Variants in OPCML observed in about 807,000 individuals in gnomAD.
OPCML encodes the protein opioid binding protein/cell adhesion molecule like.
In OPCML, 13 loss-of-function variants were observed where a neutral mutation model predicts 37.8. The observed-to-expected ratio is 0.34, with a 90% CI of 0.22 to 0.55. The LOEUF (loss-of-function observed/expected upper bound fraction) is 0.55. OPCML is among the 20% of genes least tolerant of loss of function. OPCML has a pLI of 0.91. For synonymous variants in OPCML, 176 were observed against 168.8 expected (o/e 1.04, Z -0.33); for missense variants, 341 against 435.6 (o/e 0.78, Z 1.93).
chr11:132,950,083 G>A (rs577953071), intron 1 of OPCML, among the ~76,000 whole-genome samples: 10 of 152,338 alleles, frequency 6.6e-5, no homozygotes, highest in South Asian at 2.1e-4. Context: ...AGGTGCAGCC[G>A]CGCTGGGCCT....
intron 1 of OPCML, among the ~76,000 whole-genome samples, chr11:133,428,314 C>A (rs1020892315): frequency 1.3e-5 from 2 of 152,098 alleles, no homozygotes; most frequent in Non-Finnish European, 2.9e-5. Flanking sequence ...GCAGCGTGAA[C>A]AAGGAGAGGA....
intron 1 of OPCML, among the ~76,000 whole-genome samples, chr11:133,313,121 T>G (rs999998744): frequency 2.0e-5 from 3 of 152,230 alleles, no homozygotes; most frequent in African/African-American, 7.2e-5. Context: ...ACTTCTTTAT[T>G]TATATGCGGT....
intron 2 of OPCML, among the ~76,000 whole-genome samples, chr11:132,933,106 A>G (rs1402416833): frequency 5.3e-5 from 8 of 152,194 alleles, no homozygotes; most frequent in Admixed American, 6.5e-5. Flanking sequence ...CTGCACAGGT[A>G]CAGCGGGAGG....
At chr11:133,270,190 G>A (rs1158623056) in intron 1 of OPCML, among the ~76,000 whole-genome samples, 2 of 152,172 alleles carry the variant, frequency 1.3e-5, no homozygotes, top group Non-Finnish European at 2.9e-5. Context: ...TTGATTGATT[G>A]ATTAATAGAA....
intron 2 of OPCML, among the ~76,000 whole-genome samples, chr11:132,870,318 T>G (rs1194933352): frequency 6.6e-6 from 1 of 152,192 alleles, no homozygotes; most frequent in Non-Finnish European, 1.5e-5. Flanking sequence ...CTAAATTATT[T>G]ACTCACATGT....
At chr11:133,204,880 A>ATATATATATATATATATGTGTG (rs1938979135) in intron 1 of OPCML, among the ~76,000 whole-genome samples, 2 of 26,324 alleles carry the variant, frequency 7.6e-5, no homozygotes, top group African/African-American at 1.8e-4. Context: ...ATATATATAT[A>ATATATATATATATATATGTGTG]TATATATATA....
chr11:132,529,294 T>A, intron 3 of OPCML, 108 bp from the exon 4 acceptor site: 1 of 1,361,932 alleles, frequency 7.3e-7, no homozygotes, highest in Middle Eastern at 2.6e-4. Flanking sequence ...TAAATATTGT[T>A]TGCAGTAATA....
At chr11:133,064,157 G>A (rs952279649) in intron 1 of OPCML, among the ~76,000 whole-genome samples, 3 of 152,236 alleles carry the variant, frequency 2.0e-5, no homozygotes, top group Admixed American at 2.0e-4. Flanking sequence ...GCTGAGTGAG[G>A]GGTGGAGCGG....
intron 2 of OPCML, among the ~76,000 whole-genome samples, chr11:132,940,039 A>T (rs1005595702): frequency 1.8e-4 from 27 of 152,234 alleles, no homozygotes; most frequent in African/African-American, 6.3e-4. Flanking sequence ...TGAAGTAGTT[A>T]TGAGGAGGAT....
At chr11:132,757,649 T>A (rs1250529930) in intron 2 of OPCML, among the ~76,000 whole-genome samples, 1 of 151,510 alleles carries the variant, frequency 6.6e-6, no homozygotes, top group Non-Finnish European at 1.5e-5. Context: ...GATGTTGTTG[T>A]TTTTTTCTTG....
At chr11:132,698,329 G>A (rs1418005686) in intron 2 of OPCML, among the ~76,000 whole-genome samples, 1 of 152,036 alleles carries the variant, frequency 6.6e-6, no homozygotes, top group African/African-American at 2.4e-5. Context: ...CTGACAACTG[G>A]CATTCTAATA....
At chr11:133,436,300 AT>A (rs1565632597) in intron 1 of OPCML, among the ~76,000 whole-genome samples, 1 of 152,146 alleles carries the variant, frequency 6.6e-6, no homozygotes, top group African/African-American at 2.4e-5. Flanking sequence ...TGGTTCCTCC[AT>A]TTGGTGTATT....
intron 1 of OPCML, among the ~76,000 whole-genome samples, chr11:133,394,983 T>C (rs966858562): frequency 2.6e-5 from 4 of 152,216 alleles, no homozygotes; most frequent in Admixed American, 6.5e-5. Context: ...TAATTTACAT[T>C]CCCACTGACA....
At chr11:132,668,562 T>C (rs146306506) in intron 2 of OPCML, among the ~76,000 whole-genome samples, 1 of 152,310 alleles carries the variant, frequency 6.6e-6, no homozygotes, top group East Asian at 1.9e-4. Flanking sequence ...TAGTGCCTGC[T>C]CTATTAGTAC....
intron 1 of OPCML, among the ~76,000 whole-genome samples, chr11:133,010,009 C>T (rs565961434): frequency 6.6e-6 from 1 of 152,272 alleles, no homozygotes; most frequent in African/African-American, 2.4e-5. Context: ...AGTCTCGCCT[C>T]CCCCTAGTCC....
At chr11:133,385,155 G>A (rs1218016725) in intron 1 of OPCML, among the ~76,000 whole-genome samples, 1 of 152,180 alleles carries the variant, frequency 6.6e-6, no homozygotes, top group African/African-American at 2.4e-5. Flanking sequence ...TGGCTCTGGG[G>A]AAGCTGCTGC....
At chr11:133,077,013 C>T (rs2137021556) in intron 1 of OPCML, among the ~76,000 whole-genome samples, 1 of 152,186 alleles carries the variant, frequency 6.6e-6, no homozygotes, top group East Asian at 1.9e-4. Flanking sequence ...TGCTGCCCCC[C>T]ATCTAGACTA....
intron 2 of OPCML, among the ~76,000 whole-genome samples, chr11:132,716,408 GTCTGTCTA>G (rs1298107892): frequency 4.8e-5 from 2 of 41,704 alleles, no homozygotes; most frequent in African/African-American, 1.6e-4. Context: ...CTATCTATCT[GTCTGTCTA>G]TCTATCTATC....
chr11:133,048,676 A>T (rs147816803), intron 1 of OPCML, among the ~76,000 whole-genome samples: 337 of 152,332 alleles, frequency 2.2e-3, no homozygotes, highest in African/African-American at 7.5e-3. Context: ...AAGATACCCC[A>T]GAAGAAAGAA....
Sources: allele counts gnomAD v4.1 joint callset (sites outside exome capture counted in the v4.1 genomes callset), GRCh38; gene constraint gnomAD v4.1.1; transcripts MANE v1.5; gene names NCBI Gene and HGNC (gene_info 2026-07-23, HGNC 2026-07-21).